FRMPD4: variants seen among roughly 807,000 people sequenced by gnomAD.
FRMPD4 encodes FERM and PDZ domain-containing protein 4.
FRMPD4 carries 22 observed loss-of-function variants against 94.1 expected under a neutral mutation model. That is an observed-to-expected ratio of 0.23 (90% CI 0.17 to 0.33). The LOEUF is 0.33. FRMPD4 is among the 10% of genes least tolerant of loss of function. The pLI, the probability that FRMPD4 is intolerant of heterozygous loss-of-function variation, is 1.00. For missense variants in FRMPD4, 1,111 were observed against 1,339.9 expected, an observed-to-expected ratio of 0.83 and a Z score of 2.67; for synonymous variants, 631 against 548.6, an observed-to-expected ratio of 1.15 and a Z score of -2.10.
At chrX:12,114,034 T>C (rs1343264238) in intron 3 of FRMPD4, among the ~76,000 whole-genome samples, 8 of 111,885 alleles carry the variant, frequency 7.2e-5, no homozygotes, top group African/African-American at 2.6e-4. Flanking sequence ...TTTAATCTCT[T>C]TGTATCTTTT....
At chrX:12,708,084 AG>A (rs1008921173) in intron 13 of FRMPD4, among the ~76,000 whole-genome samples, 4 of 111,784 alleles carry the variant, frequency 3.6e-5, no homozygotes, top group African/African-American at 1.3e-4. Context: ...CTTTTGGAAA[AG>A]CTTGATGTTT....
intron 3 of FRMPD4, among the ~76,000 whole-genome samples, chrX:11,979,720 C>A (rs1474206390): frequency 9.0e-6 from 1 of 110,580 alleles, no homozygotes; most frequent in Non-Finnish European, 1.9e-5. Flanking sequence ...ATCTAGTTGT[C>A]ATTTTATTGA....
intron 3 of FRMPD4, among the ~76,000 whole-genome samples, chrX:11,930,828 G>A (rs2054119007): frequency 9.0e-6 from 1 of 111,209 alleles, no homozygotes; most frequent in Admixed American, 9.6e-5. Context: ...CAGAGAGGCA[G>A]CTCTGGTGGC....
At chrX:12,500,795 AT>A (rs750470404) in intron 2 of FRMPD4, among the ~76,000 whole-genome samples, 85 of 111,957 alleles carry the variant, frequency 7.6e-4, no homozygotes, top group Non-Finnish European at 1.2e-3. Context: ...GGAAGACAGT[AT>A]TTTTTAATAT....
intron 3 of FRMPD4, among the ~76,000 whole-genome samples, chrX:12,074,279 A>G (rs1394214396): frequency 2.7e-5 from 3 of 111,644 alleles, no homozygotes; most frequent in Non-Finnish European, 5.6e-5. Flanking sequence ...TCCAAAATTG[A>G]GAAGGAGCTG....
In FRMPD4 at chrX:12,427,897, C is replaced by T. The variant is rs1157733693; in HGVS notation, c.42-70783C>T. On this transcript the variant is annotated intron_variant, in intron 1 of 16. Coordinates refer to ENST00000675598, the MANE Select transcript of FRMPD4 (RefSeq NM_001368397.1). ...GATGTTAATCATTTTCCTTTTTTCT[C>T]TTTTTTTTTTTTTTTTTTTTTTTTT... Among the ~76,000 whole-genome samples the T allele has an allele frequency of 3.2e-3, 174 of 54,748 alleles. 1 individual carries two copies. Among genetic ancestry groups the T allele is most frequent in the Non-Finnish European group, 4.0e-3 (129 of 32,529 alleles). 47.5% of individuals were successfully genotyped at this position (54,748 alleles called of 115,157 possible).
intron 3 of FRMPD4, among the ~76,000 whole-genome samples, chrX:11,883,647 T>C (rs1401866119): frequency 1.8e-5 from 2 of 111,928 alleles, no homozygotes; most frequent in African/African-American, 6.5e-5. Context: ...AATTCTAGGC[T>C]GCTAAGGAGA....
intron 1 of FRMPD4, among the ~76,000 whole-genome samples, chrX:12,147,210 C>T (rs760141881): frequency 8.9e-6 from 1 of 112,175 alleles, no homozygotes; most frequent in East Asian, 2.8e-4. Flanking sequence ...CATTATAGTT[C>T]TACTTCCTAG....
intron 2 of FRMPD4, among the ~76,000 whole-genome samples, chrX:11,865,925 A>G (rs1007971216): frequency 5.4e-5 from 6 of 112,072 alleles, no homozygotes; most frequent in African/African-American, 1.9e-4. Flanking sequence ...AGAATTTGCA[A>G]GTAGGTACAG....
intron 1 of FRMPD4, among the ~76,000 whole-genome samples, chrX:12,288,742 G>A (rs1159533665): frequency 4.5e-5 from 5 of 112,104 alleles, no homozygotes; most frequent in Admixed American, 9.4e-5. Flanking sequence ...GGTAAAATAC[G>A]TTATACTTTA....
chrX:11,950,490 T>C (rs974187890), intron 3 of FRMPD4, among the ~76,000 whole-genome samples: 3 of 111,800 alleles, frequency 2.7e-5, no homozygotes, highest in African/African-American at 9.8e-5. Context: ...AGATTCCTCA[T>C]GTTGGACCTT....
chrX:12,333,214 T>C (rs2055459825), intron 1 of FRMPD4, among the ~76,000 whole-genome samples: 1 of 112,332 alleles, frequency 8.9e-6, no homozygotes. Flanking sequence ...AGAAATGGGC[T>C]AATTTTCAAA....
Position 12,077,288 on chromosome X carries a change from T to C in FRMPD4, c.95+199270T>C, listed in dbSNP as rs138253608. Reference sequence around the variant, plus strand: ...TTGAATTGGGACTGTTCTGCTTGTCTTCCCAGTAGGTAGCAATGACAGAAT... The same window carrying C: ...TTGAATTGGGACTGTTCTGCTTGTCCTCCCAGTAGGTAGCAATGACAGAAT... On this transcript the variant is annotated intron_variant, in intron 3 of 18. Coordinates refer to the FRMPD4 transcript ENST00000640291. 5.8e-4 allele frequency among the ~76,000 whole-genome samples: 65 copies of C among 112,199 alleles called. No homozygotes were observed. The East Asian group carries it at 0.018, about 31-fold the overall frequency.
chrX:12,093,851 T>A (rs771019367), intron 3 of FRMPD4, among the ~76,000 whole-genome samples: 1 of 109,283 alleles, frequency 9.2e-6, no homozygotes, highest in East Asian at 2.9e-4. Flanking sequence ...TCTGTCTAGT[T>A]CTCTTCTTTC....
chrX:11,949,905 GTA>G (rs1195280531), intron 3 of FRMPD4, among the ~76,000 whole-genome samples: 1 of 111,935 alleles, frequency 8.9e-6, no homozygotes, highest in African/African-American at 3.2e-5. Context: ...TAATAAAATT[GTA>G]TATGTTAAAG....
intron 3 of FRMPD4, among the ~76,000 whole-genome samples, chrX:12,121,862 C>A (rs753545905): frequency 1.8e-5 from 2 of 111,148 alleles, no homozygotes; most frequent in Non-Finnish European, 3.8e-5. Flanking sequence ...GGTGAAAAGG[C>A]CTGGTCCCGC....
intron 1 of FRMPD4, among the ~76,000 whole-genome samples, chrX:12,224,305 A>G (rs1026855012): frequency 9.0e-6 from 1 of 110,571 alleles, no homozygotes; most frequent in Non-Finnish European, 1.9e-5. Flanking sequence ...CTGGAGGGCA[A>G]TGGCGTGATA....
intron 8 of FRMPD4, among the ~76,000 whole-genome samples, chrX:12,691,017 CAGG>C (rs1467129465): frequency 1.8e-5 from 2 of 111,790 alleles, no homozygotes; most frequent in African/African-American, 6.5e-5. Context: ...GAGGGGACAC[CAGG>C]AGGAGAAGCA....
At chrX:12,387,311 G>A (rs1026758583) in intron 1 of FRMPD4, among the ~76,000 whole-genome samples, 20 of 112,098 alleles carry the variant, frequency 1.8e-4, no homozygotes, top group African/African-American at 5.5e-4. Flanking sequence ...ACCATTTCAC[G>A]CAGACCTGGT....
Sources: gnomAD v4.1 joint callset for allele counts (sites outside exome capture counted in the v4.1 genomes callset) on GRCh38, gnomAD v4.1.1 for gene constraint, MANE v1.5 for transcripts, NCBI Gene and HGNC (gene_info 2026-07-23, HGNC 2026-07-21) for gene names.